AXIN1: variants seen among roughly 807,000 people sequenced by gnomAD.
AXIN1 encodes the protein axin-1.
A neutral mutation model predicts 76.4 loss-of-function variants in AXIN1; 30 were observed. The observed-to-expected ratio is 0.39, with a 90% CI of 0.29 to 0.53. The LOEUF (loss-of-function observed/expected upper bound fraction) is 0.53. AXIN1 is among the 20% of genes least tolerant of loss of function. The pLI is 0.66. For synonymous variants in AXIN1, 545 were observed against 501.4 expected, an observed-to-expected ratio of 1.09 and a Z score of -1.16; for missense variants, 1,140 against 1,198.8, an observed-to-expected ratio of 0.95 and a Z score of 0.72.
intron 2 of AXIN1, among the ~76,000 whole-genome samples, chr16:340,638 G>T (rs2053898038): frequency 6.6e-6 from 1 of 152,258 alleles, no homozygotes; most frequent in South Asian, 2.1e-4. Flanking sequence ...AGCCAGCTCT[G>T]TTCAAAGTTC....
intron 4 of AXIN1, among the ~76,000 whole-genome samples, chr16:307,850 G>A (rs908139167): frequency 3.9e-5 from 6 of 152,132 alleles, no homozygotes; most frequent in Non-Finnish European, 7.3e-5. Flanking sequence ...GCCTCCCCCC[G>A]CCTCTGCTCA....
chr16:335,563 C>A (rs1196275783), intron 2 of AXIN1, among the ~76,000 whole-genome samples: 1 of 151,986 alleles, frequency 6.6e-6, no homozygotes, highest in Non-Finnish European at 1.5e-5. Context: ...CCACTGCATG[C>A]CAATAACACA....
chr16:318,711 C>A (rs866334429), intron 2 of AXIN1, among the ~76,000 whole-genome samples: 2 of 152,202 alleles, frequency 1.3e-5, no homozygotes, highest in Non-Finnish European at 2.9e-5. Context: ...TGCATGCCCA[C>A]GTATCCATCT....
intron 9 of AXIN1, chr16:290,482 G>C (rs2052525151): frequency 6.3e-6 from 1 of 157,864 alleles, no homozygotes; most frequent in African/African-American, 2.4e-5. Flanking sequence ...GGCTGCCCCA[G>C]GGACAGGTGA....
chr16:335,432 C>T (rs1054118639), intron 2 of AXIN1, among the ~76,000 whole-genome samples: 4 of 151,794 alleles, frequency 2.6e-5, no homozygotes, highest in Middle Eastern at 3.4e-3. Flanking sequence ...CCCAGTACCA[C>T]GGCACACTAA....
chr16:291,300 AG>A lies in AXIN1; in HGVS notation c.2187-4del. 1 of 1,573,122 alleles carries A rather than the reference AG, an allele frequency of 6.4e-7. No individual in the cohort carries two copies. The highest frequency in any genetic ancestry group is 8.6e-7 in the Non-Finnish European group (1 of 1,159,854). ...GCCGCATAACCTCCTGCACATACCT[AG>A]GGAACAACCCGCGTCAAAGGTGGCT... On this transcript the variant is annotated splice_polypyrimidine_tract_variant and splice_region_variant and intron_variant, in intron 8 of 10. Transcript: ENST00000262320.
At chr16:345,855 T>C (rs557252753) in intron 2 of AXIN1, among the ~76,000 whole-genome samples, 52 of 152,376 alleles carry the variant, frequency 3.4e-4, no homozygotes, top group African/African-American at 1.1e-3. Flanking sequence ...ACTTTACTGC[T>C]GAAGGGTAAA....
chr16:346,622 T>C lies in AXIN1; in HGVS notation c.404A>G (p.Glu135Gly). The change falls in exon 2 of 11, where the codon GAG becomes GGG. Residue 135 changes from glutamate to glycine, a missense_variant. This residue lies in a region of AXIN1 where 708 missense variants were observed against 776.9 expected (regional missense o/e 0.91). Coordinates refer to ENST00000262320, the MANE Select transcript of AXIN1 (RefSeq NM_003502.4). ...GGCTCTCGCCAGCTTCAGCCTCTTC[T>C]CCTCGTTCGAGTCACAGGGCTCCAG... ...RKLEPCDSNEEKRLKLARAIY... is the reference protein window; with the variant it reads ...RKLEPCDSNEGKRLKLARAIY... 1.3e-6 allele frequency: 2 copies of C among 1,591,686 alleles called. No individual in the cohort carries two copies. Among genetic ancestry groups the C allele is most frequent in the Non-Finnish European group, 1.7e-6 (2 of 1,167,662 alleles).
chr16:326,661 A>C (rs1225575827), intron 2 of AXIN1, among the ~76,000 whole-genome samples: 2 of 148,036 alleles, frequency 1.4e-5, no homozygotes, highest in Non-Finnish European at 3.0e-5. Flanking sequence ...CAGGAGAATC[A>C]CTTGAACCTG....
At chr16:292,122 T>TG (rs11457053) in intron 8 of AXIN1, 152,397 of 152,410 alleles carry the variant, frequency 1, 76,192 homozygotes, top group Middle Eastern at 1. Flanking sequence ...CCAGCAAGGA[T>TG]GGCTCAGGAA....
Position 288,907 on chromosome 16 carries a change from G to A in AXIN1, c.2462+533C>T, listed in dbSNP as rs879502297. On this transcript the variant is annotated intron_variant, in intron 10 of 10. Coordinates refer to ENST00000262320, the MANE Select transcript of AXIN1 (RefSeq NM_003502.4). ...AAGGTTCAGACCATCGTCGTCTAGG[G>A]GTCTGGCCTCTGTTTTCCCACCCCG... 1.2e-4 allele frequency among the ~76,000 whole-genome samples: 19 copies of A among 152,358 alleles called. 1 individual carries two copies. Among genetic ancestry groups the A allele is most frequent in the Admixed American group, 3.9e-4 (6 of 15,310 alleles).
chr16:324,067 G>A (rs544225482), intron 2 of AXIN1, among the ~76,000 whole-genome samples: 1 of 152,238 alleles, frequency 6.6e-6, no homozygotes, highest in Admixed American at 6.5e-5. Flanking sequence ...AGACCATGGG[G>A]AGCCCAGTGC....
intron 2 of AXIN1, among the ~76,000 whole-genome samples, chr16:322,067 C>T (rs911067353): frequency 6.6e-6 from 1 of 152,172 alleles, no homozygotes; most frequent in Non-Finnish European, 1.5e-5. Context: ...GACATGAAGA[C>T]GGAGGTGGCC....
chr16:299,101 C>G, intron 5 of AXIN1: 2 of 985,388 alleles, frequency 2.0e-6, no homozygotes, highest in Non-Finnish European at 2.4e-6. Flanking sequence ...TTGTACAGAA[C>G]GGCTCTTGGG....
rs1489343023 is a variant in AXIN1 at position 295,340 on chromosome 16, C to A, written c.1956-1622G>T. On this transcript the variant is annotated intron_variant, in intron 7 of 10. Coordinates refer to ENST00000262320, the MANE Select transcript of AXIN1 (RefSeq NM_003502.4). ...GGCCAGTCTGGTCTCGAACTCCGGA[C>A]CTCAAGCGATCCACCTGCCTCGGCC... 2.6e-5 allele frequency among the ~76,000 whole-genome samples: 4 copies of A among 151,776 alleles called. No homozygotes were observed. The East Asian group carries it at 7.8e-4, about 30-fold the overall frequency.
chr16:323,951 A>G (rs11649040), intron 2 of AXIN1, among the ~76,000 whole-genome samples: 49,284 of 152,036 alleles, frequency 0.32, 8,574 homozygotes, highest in African/African-American at 0.43. Flanking sequence ...TGAGCAACCC[A>G]CCCTGGAGAC....
intron 8 of AXIN1, chr16:292,661 G>C (rs946200115): frequency 6.6e-6 from 1 of 152,230 alleles, no homozygotes; most frequent in East Asian, 1.9e-4. Context: ...TAGGCTCCCA[G>C]GACCCTCAAA....
intron 2 of AXIN1, among the ~76,000 whole-genome samples, chr16:344,387 G>A (rs1269127211): frequency 2.1e-5 from 3 of 140,050 alleles, no homozygotes; most frequent in Non-Finnish European, 4.6e-5. Flanking sequence ...CCGAGATGGC[G>A]CCACCGCACT....
chr16:328,880 C>T (rs1395231698), intron 2 of AXIN1, among the ~76,000 whole-genome samples: 6 of 152,004 alleles, frequency 3.9e-5, no homozygotes. Context: ...GCTGCTGCTC[C>T]GCTTTCCAGG....
Sources: gnomAD v4.1 joint callset for allele counts (sites outside exome capture counted in the v4.1 genomes callset) on GRCh38, gnomAD v4.1.1 for gene constraint, gnomAD v4.1.1 regional missense constraint, MANE v1.5 for transcripts, NCBI Gene and HGNC (gene_info 2026-07-23, HGNC 2026-07-21) for gene names.